The following SLC39A14 variants were observed in gnomAD, a reference collection of about 807,000 sequenced individuals.
SLC39A14 encodes the protein metal cation symporter ZIP14.
In SLC39A14, 19 loss-of-function variants were observed where a neutral mutation model predicts 45.5. The observed-to-expected ratio is 0.42, with a 90% CI of 0.29 to 0.61. The LOEUF (loss-of-function observed/expected upper bound fraction) is 0.61. SLC39A14 is among the 20% of genes least tolerant of loss of function. The probability of loss-of-function intolerance (pLI) is 0.22; values close to 1 mark genes in which losing one functional copy is unlikely to be tolerated. For missense variants in SLC39A14, 447 were observed against 616.5 expected (o/e 0.73, Z 2.91); for synonymous variants, 264 against 251.3 (o/e 1.05, Z -0.48).
intron 1 of SLC39A14, among the ~76,000 whole-genome samples, chr8:22,379,043 T>G (rs1426278632): frequency 3.9e-5 from 6 of 152,132 alleles, no homozygotes; most frequent in Admixed American, 3.9e-4. Flanking sequence ...GGAGAATGCT[T>G]CCTTCTTTTC....
chr8:22,426,332 G>A (rs1836387351), downstream of SLC39A14, among the ~76,000 whole-genome samples: 2 of 151,950 alleles, frequency 1.3e-5, no homozygotes, highest in African/African-American at 4.8e-5. Context: ...TTAGCTGGGG[G>A]TACAGGCATG....
chr8:22,398,816 A>G (rs1834671475), intron 1 of SLC39A14: 1 of 925,364 alleles, frequency 1.1e-6, no homozygotes, highest in Non-Finnish European at 1.3e-6. Context: ...AATTCCAATT[A>G]TGGGCCTCTG....
At chr8:22,404,459 T>G (rs1835078533) in intron 1 of SLC39A14, 9 of 227,036 alleles carry the variant, frequency 4.0e-5, no homozygotes, top group East Asian at 6.9e-5. Flanking sequence ...CGCATTGCTG[T>G]TTGTTTTTTT....
intron 8 of SLC39A14, among the ~76,000 whole-genome samples, chr8:22,419,140 G>T (rs1836068412): frequency 6.6e-6 from 1 of 152,158 alleles, no homozygotes; most frequent in African/African-American, 2.4e-5. Context: ...GTTTTACCTA[G>T]ACAGTTGTAA....
intron 1 of SLC39A14, among the ~76,000 whole-genome samples, chr8:22,368,032 T>C (rs888384664): frequency 6.6e-6 from 1 of 152,108 alleles, no homozygotes; most frequent in Admixed American, 6.6e-5. Context: ...CATCATCTGA[T>C]CCTGAGGTCC....
Position 22,421,048 on chromosome 8 carries a change from T to C in SLC39A14, c.*1350T>C, listed in dbSNP as rs1836198304. On this transcript the variant is annotated 3_prime_UTR_variant, in exon 9 of 9. Transcript: ENST00000381237. Reference sequence around the variant, plus strand: ...CGAGCTCTGGCTTCAAGGGGAGCTCTTCTCCAGGTTCACTAGGTGAATTGA... The same window carrying C: ...CGAGCTCTGGCTTCAAGGGGAGCTCCTCTCCAGGTTCACTAGGTGAATTGA... The C allele has an allele frequency of 1.0e-6, 1 of 985,794 alleles. No homozygotes were observed. The highest frequency in any genetic ancestry group is 1.7e-5 in the African/African-American group (1 of 57,260). 61.1% of individuals were successfully genotyped at this position (985,794 alleles called of 1,614,324 possible). A position where few individuals can be genotyped will look rare whatever the true frequency, so the allele number is the denominator to read the frequency against.
intron 7 of SLC39A14, among the ~76,000 whole-genome samples, chr8:22,416,886 G>A (rs1025840483): frequency 6.6e-6 from 1 of 152,168 alleles, no homozygotes; most frequent in African/African-American, 2.4e-5. Flanking sequence ...TAATAGTGAG[G>A]ATTAAAGGAA....
intron 1 of SLC39A14, among the ~76,000 whole-genome samples, chr8:22,382,470 C>T (rs994879603): frequency 6.6e-6 from 1 of 151,438 alleles, no homozygotes; most frequent in Admixed American, 6.6e-5. Flanking sequence ...TTTTGGAGTT[C>T]GAGACTAGCT....
In SLC39A14 at chr8:22,381,378, C is replaced by T. The variant is rs191015410; in HGVS notation, c.-16+13970C>T. ...CTCCGCCTCCCGGGTTCACGCCATT[C>T]TCCTGCCTCAGCCTCCCAAGTAGCT... On this transcript the variant is annotated intron_variant, in intron 1 of 8. Coordinates refer to ENST00000381237, the MANE Select transcript of SLC39A14 (RefSeq NM_001128431.4). Among the ~76,000 whole-genome samples the T allele has an allele frequency of 9.6e-3, 1,466 of 152,254 alleles. 25 individuals are homozygous for T. The highest frequency in any genetic ancestry group is 0.033 in the African/African-American group (1,369 of 41,524).
At position 22,421,430 on chromosome 8, in the gene SLC39A14, A is replaced by G. The variant is rs542100294; in HGVS notation, c.*1732A>G. The G allele has an allele frequency of 1.5e-5, 15 of 985,842 alleles. No individual in the cohort carries two copies. In the African/African-American group the frequency reaches 2.6e-4, roughly 17 times the overall value. 61.1% of individuals were successfully genotyped at this position (985,842 alleles called of 1,614,324 possible). ...CCTGTTGGCTTCAATACATTTGAGA[A>G]TACGCTGAAGAGGGAAAATTTCAGT... On this transcript the variant is annotated 3_prime_UTR_variant, in exon 9 of 9. Transcript: ENST00000381237.
rs749930737 is a variant in SLC39A14, at chr8:22,421,532, C to T, written c.*1834C>T. The T allele has an allele frequency of 1.0e-6, 1 of 985,406 alleles. No homozygotes were observed. Among genetic ancestry groups the T allele is most frequent in the Non-Finnish European group, 1.2e-6 (1 of 829,694 alleles). The allele number at this position is 985,406 out of a possible 1,614,324, so 61.0% of individuals were successfully genotyped here. A position where few individuals can be genotyped will look rare whatever the true frequency, so the allele number is the denominator to read the frequency against. On this transcript the variant is annotated 3_prime_UTR_variant, in exon 9 of 9. Coordinates refer to ENST00000381237, the MANE Select transcript of SLC39A14 (RefSeq NM_001128431.4). ...TCCAGTTTTACCAAAGAACCAATTC[C>T]TTGAATGTTGGAATCTAACTTTTTA...
At chr8:22,400,089 CAG>C (rs71981029) in intron 1 of SLC39A14, among the ~76,000 whole-genome samples, 5,848 of 152,238 alleles carry the variant, frequency 0.038, 351 homozygotes, top group African/African-American at 0.13. Context: ...AAGATCTGCA[CAG>C]AGACACGCAG....
At chr8:22,426,787 A>G (rs1267258492), downstream of SLC39A14, among the ~76,000 whole-genome samples, 6 of 151,982 alleles carry the variant, frequency 3.9e-5, no homozygotes, top group East Asian at 1.2e-3. Context: ...AGGTTCAAGC[A>G]ATTCTCTTGC....
chr8:22,407,385 G>C (rs1218310028), intron 2 of SLC39A14, among the ~76,000 whole-genome samples: 1 of 152,154 alleles, frequency 6.6e-6, no homozygotes, highest in African/African-American at 2.4e-5. Flanking sequence ...GTGGGGGATG[G>C]AGTCTCGTTC....
chr8:22,399,394 C>G (rs1474677701), intron 1 of SLC39A14, among the ~76,000 whole-genome samples: 1 of 152,232 alleles, frequency 6.6e-6, no homozygotes, highest in Non-Finnish European at 1.5e-5. Flanking sequence ...CCCTTTCATG[C>G]CTGCCAAAAG....
intron 1 of SLC39A14, among the ~76,000 whole-genome samples, chr8:22,375,926 C>T (rs1440542539): frequency 3.3e-5 from 5 of 152,272 alleles, no homozygotes; most frequent in Admixed American, 2.6e-4. Flanking sequence ...ATTATATAAT[C>T]AGGAGCAGGA....
intron 1 of SLC39A14, among the ~76,000 whole-genome samples, chr8:22,372,037 C>T (rs1334221686): frequency 6.6e-6 from 1 of 152,148 alleles, no homozygotes; most frequent in Non-Finnish European, 1.5e-5. Context: ...GCCACTTGCA[C>T]CCGGCCCCTT....
intron 3 of SLC39A14, 69 bp downstream of exon 3, chr8:22,408,565 G>GA: frequency 7.0e-7 from 1 of 1,426,004 alleles, no homozygotes; most frequent in East Asian, 2.4e-5. Flanking sequence ...CCCCTGGGCT[G>GA]AGCTGCTGCT....
intron 3 of SLC39A14, among the ~76,000 whole-genome samples, chr8:22,409,581 C>T (rs1563580199): frequency 6.6e-6 from 1 of 151,930 alleles, no homozygotes; most frequent in Non-Finnish European, 1.5e-5. Context: ...GGGGTTTCAC[C>T]ATGTTAGTCA....
Sources: allele counts gnomAD v4.1 joint callset (sites outside exome capture counted in the v4.1 genomes callset), GRCh38; gene constraint gnomAD v4.1.1; transcripts MANE v1.5; gene names NCBI Gene and HGNC (gene_info 2026-07-23, HGNC 2026-07-21).